The following VPS13A variants were observed in gnomAD, a reference collection of about 807,000 sequenced individuals.
VPS13A encodes intermembrane lipid transfer protein VPS13A.
A neutral mutation model predicts 390.9 loss-of-function variants in VPS13A; 264 were observed. The observed-to-expected ratio is 0.68, with a 90% confidence interval of 0.61 to 0.75. VPS13A has a LOEUF of 0.75. Among genes scored for constraint, VPS13A ranks in the 30% least tolerant of loss-of-function variants. The pLI, the probability that VPS13A is intolerant of heterozygous loss-of-function variation, is 0.00. For synonymous variants in VPS13A, 1,231 were observed against 1,227.1 expected (o/e 1.00, Z -0.07); for missense variants, 3,409 against 3,733.9 (o/e 0.91, Z 2.27).
chr9:77,334,536 A>G (rs1235453304), intron 46 of VPS13A, among the ~76,000 whole-genome samples: 2 of 152,196 alleles, frequency 1.3e-5, no homozygotes, highest in Non-Finnish European at 2.9e-5. Context: ...AATACCTTGC[A>G]GTCTGTCTAG....
At chr9:77,196,715 A>G (rs991316946) in intron 1 of VPS13A, among the ~76,000 whole-genome samples, 3 of 151,292 alleles carry the variant, frequency 2.0e-5, no homozygotes, top group African/African-American at 7.3e-5. Flanking sequence ...CACTGTGTAT[A>G]TATATACCAC....
chr9:77,367,087 G>C (rs1402751346), intron 61 of VPS13A, among the ~76,000 whole-genome samples: 1 of 152,088 alleles, frequency 6.6e-6, no homozygotes, highest in East Asian at 1.9e-4. Context: ...ATTTCCTTAA[G>C]AAAAAGAGTC....
In VPS13A at chr9:77,247,240, A is replaced by G. The variant is rs747744125; in HGVS notation, c.1901-19A>G. The G allele has an allele frequency of 5.2e-6, 8 of 1,541,314 alleles. No homozygotes were observed. The East Asian group carries it at 1.8e-4, about 35-fold the overall frequency. On this transcript the variant is annotated intron_variant, in intron 19 of 71. Coordinates refer to ENST00000360280, the MANE Select transcript of VPS13A (RefSeq NM_033305.3). ...TAATTTGTGAAAAGTATTCATAGAA[A>G]AGATTTACATTTTTCCAGGTCTACT...
At chr9:77,297,207 T>A (rs73467926) in intron 33 of VPS13A, among the ~76,000 whole-genome samples, 1,930 of 152,254 alleles carry the variant, frequency 0.013, 45 homozygotes, top group African/African-American at 0.044. Flanking sequence ...GATTATTGAT[T>A]TGAAACATTT....
At chr9:77,275,387 T>A in intron 24 of VPS13A, 111 bp from the exon 25 acceptor site, 1 of 1,022,600 alleles carries the variant, frequency 9.8e-7, no homozygotes, top group Non-Finnish European at 1.5e-6. Context: ...TGTTAATATT[T>A]GATATTTAAA....
intron 17 of VPS13A, among the ~76,000 whole-genome samples, chr9:77,229,686 G>A (rs1001706726): frequency 6.6e-6 from 1 of 152,082 alleles, no homozygotes; most frequent in African/African-American, 2.4e-5. Context: ...AGGATATTTA[G>A]GTTGTTCCTT....
intron 1 of VPS13A, among the ~76,000 whole-genome samples, chr9:77,182,459 C>T (rs947082103): frequency 1.3e-5 from 2 of 152,210 alleles, no homozygotes; most frequent in Admixed American, 1.3e-4. Context: ...ATTATGAATA[C>T]AGAACCTGCC....
At chr9:77,394,783 A>C (rs1272275784) in intron 68 of VPS13A, among the ~76,000 whole-genome samples, 1 of 152,082 alleles carries the variant, frequency 6.6e-6, no homozygotes, top group East Asian at 1.9e-4. Flanking sequence ...TTGCCCCTTC[A>C]CCTTGTGCTT....
At chr9:77,278,421 A>G (rs1366524578) in intron 26 of VPS13A, among the ~76,000 whole-genome samples, 1 of 152,106 alleles carries the variant, frequency 6.6e-6, no homozygotes, top group African/African-American at 2.4e-5. Context: ...TGCCAAGAAC[A>G]AAGGATTAAA....
chr9:77,363,761 T>G (rs950330607), intron 59 of VPS13A, among the ~76,000 whole-genome samples: 5 of 152,236 alleles, frequency 3.3e-5, no homozygotes, highest in African/African-American at 1.2e-4. Context: ...CCACATCTGC[T>G]GTTTCTGAGA....
At chr9:77,413,295 C>T (rs1449050486) in intron 71 of VPS13A, among the ~76,000 whole-genome samples, 1 of 152,124 alleles carries the variant, frequency 6.6e-6, no homozygotes, top group Non-Finnish European at 1.5e-5. Flanking sequence ...CAATCCTAAG[C>T]CAAAAGAACA....
At chr9:77,248,643 AT>A (rs1255046532) in intron 20 of VPS13A, among the ~76,000 whole-genome samples, 2 of 152,098 alleles carry the variant, frequency 1.3e-5, no homozygotes, top group Non-Finnish European at 2.9e-5. Context: ...GGTTATTTAA[AT>A]TAATTAGAAT....
At position 77,417,580 on chromosome 9, in the gene VPS13A, A is replaced by G. The variant is rs561060650; in HGVS notation, c.*1574A>G. ...AAAAGTGCTTATTTTCTCTGTCGCTAAGCTCCTCCAGTTTTGCTTTTGTCA... is the reference window on the plus strand; with the variant it reads ...AAAAGTGCTTATTTTCTCTGTCGCTGAGCTCCTCCAGTTTTGCTTTTGTCA... On this transcript the variant is annotated 3_prime_UTR_variant, in exon 72 of 72. Transcript: ENST00000360280. 1 of 152,218 alleles carries G rather than the reference A, an allele frequency of 6.6e-6. No homozygotes were observed. The highest frequency in any genetic ancestry group is 2.4e-5 in the African/African-American group (1 of 41,550). 9.4% of individuals were successfully genotyped at this position (152,218 alleles called of 1,614,324 possible).
chr9:77,372,021 T>C (rs1306835907), intron 67 of VPS13A, among the ~76,000 whole-genome samples: 14 of 149,448 alleles, frequency 9.4e-5, no homozygotes, highest in Non-Finnish European at 1.5e-4. Context: ...ATGGTGTATA[T>C]GTGCCACGTT....
rs970746451 is a variant in VPS13A at position 77,201,369 on chromosome 9, A to C, written c.149A>C (p.Gln50Pro). Residue 50 changes from glutamine (Q) to proline (P), a missense_variant, in exon 3 of 72, where the codon CAA becomes CCA. By Grantham distance (76) the Gln-to-Pro change is moderately conservative (BLOSUM62 -1). This residue lies in a region of VPS13A where 2,717 missense variants were observed against 2,917.4 expected (regional missense o/e 0.93). Transcript: ENST00000360280. ...ATATATAAATTTTTTCTGTAGAGTC[A>C]ACTGGATGTACCATTTAAAGTTAAA... is the stretch of plus-strand genomic sequence containing the variant. Reference protein sequence around the residue: ...NLQIKENALSQLDVPFKVKVG... With the variant: ...NLQIKENALSPLDVPFKVKVG... The C allele has an allele frequency of 2.5e-6, 4 of 1,607,922 alleles. No individual in the cohort carries two copies. Among genetic ancestry groups the C allele is most frequent in the Non-Finnish European group, 2.6e-6 (3 of 1,174,664 alleles).
At chr9:77,233,871 G>A (rs1331295050) in intron 17 of VPS13A, among the ~76,000 whole-genome samples, 3 of 152,074 alleles carry the variant, frequency 2.0e-5, no homozygotes, top group Non-Finnish European at 4.4e-5. Flanking sequence ...CTGTTGTTGG[G>A]TAGAGTAGTC....
At chr9:77,269,673 T>A (rs1056636726) in intron 23 of VPS13A, among the ~76,000 whole-genome samples, 1 of 152,256 alleles carries the variant, frequency 6.6e-6, no homozygotes, top group Non-Finnish European at 1.5e-5. Flanking sequence ...TTTGCTTAGG[T>A]CTTTTTAAGT....
At position 77,295,679 on chromosome 9, in the gene VPS13A, C is replaced by T. The variant is rs138687767; in HGVS notation, c.3645C>T (p.Ala1215=). The change falls in exon 33 of 72, where the codon GCC becomes GCT. Residue 1215 remains alanine, a synonymous_variant. Transcript: ENST00000360280. ...TGGCACTGGATATTAACATCAAAGC[C>T]CCAGTTGTGGTCATCCCGCAGTCTC... ...SRMALDINIK[A]PVVVIPQSPV... is the part of the protein sequence containing the mutation. 1.2e-6 allele frequency: 2 copies of T among 1,613,996 alleles called. No individual in the cohort carries two copies. Among genetic ancestry groups the T allele is most frequent in the East Asian group, 2.2e-5 (1 of 44,870 alleles).
At chr9:77,200,040 A>T in intron 2 of VPS13A, 52 bp downstream of exon 2, 1 of 1,413,250 alleles carries the variant, frequency 7.1e-7, no homozygotes, top group Non-Finnish European at 9.9e-7. Flanking sequence ...AATTATGTAT[A>T]ATTCTTCCTG....
Sources: allele counts gnomAD v4.1 joint callset (sites outside exome capture counted in the v4.1 genomes callset), GRCh38; gene constraint gnomAD v4.1.1; regional missense constraint gnomAD v4.1.1; transcripts MANE v1.5; gene names NCBI Gene and HGNC (gene_info 2026-07-23, HGNC 2026-07-21).